Variants in OPTN observed in about 807,000 individuals in gnomAD.
OPTN encodes the protein optineurin.
Under a neutral mutation model 70.4 loss-of-function variants are expected in OPTN, and 54 were observed. The observed-to-expected ratio is 0.77, with a 90% confidence interval of 0.62 to 0.96. The LOEUF (loss-of-function observed/expected upper bound fraction) is 0.96. Among genes scored for constraint, OPTN ranks in the 40% least tolerant of loss-of-function variants. OPTN has a pLI of 0.00. For missense variants in OPTN, 624 were observed against 673.2 expected (o/e 0.93, Z 0.81); for synonymous variants, 256 against 248.5 (o/e 1.03, Z -0.28).
intron 6 of OPTN, among the ~76,000 whole-genome samples, chr10:13,117,876 A>G (rs778907570): frequency 7.9e-5 from 12 of 152,374 alleles, no homozygotes; most frequent in South Asian, 6.2e-4. Context: ...AGTAAGTATT[A>G]GATAATATTC....
At chr10:13,107,546 T>A (rs992399265) in intron 1 of OPTN, among the ~76,000 whole-genome samples, 5 of 151,036 alleles carry the variant, frequency 3.3e-5, no homozygotes, top group Admixed American at 2.0e-4. Flanking sequence ...GCTTGGCTAA[T>A]TTTTTGTATT....
chr10:13,133,626 T>C (rs1187587239), intron 14 of OPTN, 45 bp downstream of exon 14: 2 of 1,547,264 alleles, frequency 1.3e-6, no homozygotes, highest in Non-Finnish European at 1.8e-6. Flanking sequence ...AGCTATCCTA[T>C]GAAAAAGATG....
At position 13,137,920 on chromosome 10, in the gene OPTN, A is replaced by T. The variant is rs907203061; in HGVS notation, c.*1054A>T. 9.1e-6 allele frequency: 2 copies of T among 219,754 alleles called. No individual in the cohort carries two copies. The highest frequency in any genetic ancestry group is 5.8e-5 in the Admixed American group (1 of 17,350). 13.6% of individuals were successfully genotyped at this position (219,754 alleles called of 1,614,324 possible). On this transcript the variant is annotated 3_prime_UTR_variant, in exon 15 of 15. Transcript: ENST00000378747. The stretch of plus-strand genomic sequence containing the variant: ...CAGCTGCCTATTTTCTTCCTAGGTT[A>T]GGTTATATCTTCATAATCACAAGAA...
Position 13,109,283 on chromosome 10 carries a change from TGAAAGG to T in OPTN, c.162_166+1del. On this transcript the variant is annotated splice_donor_variant and coding_sequence_variant, in exon 3 of 15. Transcript: ENST00000378747. LOFTEE classifies it high-confidence loss of function. ...GAGCTCCTGACCGAGAACCACCAGC[TGAAAGG>T]TGAGCAGGGCTGGCCCCTGTGTGCC... The T allele has an allele frequency of 6.2e-7, 1 of 1,613,714 alleles. No homozygotes were observed.
chr10:13,127,687 T>C, intron 11 of OPTN, 58 bp from the exon 12 acceptor site: 1 of 1,569,786 alleles, frequency 6.4e-7, no homozygotes, highest in South Asian at 1.1e-5. Flanking sequence ...TCTAATATTT[T>C]ACTAAAACAG....
chr10:13,121,342 GA>G (rs945423124), intron 7 of OPTN, among the ~76,000 whole-genome samples: 2 of 151,858 alleles, frequency 1.3e-5, no homozygotes, highest in Non-Finnish European at 2.9e-5. Flanking sequence ...GTTAATTTGT[GA>G]AAAAAGCCAG....
chr10:13,116,429 C>A lies in OPTN; in HGVS notation c.626+89C>A, dbSNP rs898508480. 1.6e-5 allele frequency: 14 copies of A among 861,894 alleles called. No individual in the cohort carries two copies. In the African/African-American group the frequency reaches 2.1e-4, roughly 13 times the overall value. The allele number at this position is 861,894 out of a possible 1,614,324, so 53.4% of individuals were successfully genotyped here. A position where few individuals can be genotyped will look rare whatever the true frequency, so the allele number is the denominator to read the frequency against. ...GTCACCGGAGGTCAAATGTTGTGAC[C>A]TGAGGAAGTAACTTCTTTATGATTT... is the stretch of plus-strand genomic sequence containing the variant. On this transcript the variant is annotated intron_variant, in intron 6 of 14. Transcript: ENST00000378747.
Position 13,132,313 on chromosome 10 carries a change from A to C in OPTN, c.1532+116A>C. On this transcript the variant is annotated intron_variant, in intron 13 of 14. Coordinates refer to ENST00000378747, the MANE Select transcript of OPTN (RefSeq NM_001008212.2). ...AGAATAGCTGTGTTCGCGCCACTGC[A>C]CTCCTGCCTAGGTGACAGAGCGAGT... 5 of 1,084,050 alleles carry C rather than the reference A, an allele frequency of 4.6e-6. No homozygotes were observed. In the South Asian group the frequency reaches 6.8e-5, roughly 15 times the overall value. 67.2% of individuals were successfully genotyped at this position (1,084,050 alleles called of 1,614,324 possible). A position where few individuals can be genotyped will look rare whatever the true frequency, so the allele number is the denominator to read the frequency against.
chr10:13,105,505 G>A (rs771957747), intron 1 of OPTN, among the ~76,000 whole-genome samples: 39 of 152,148 alleles, frequency 2.6e-4, no homozygotes, highest in Non-Finnish European at 4.7e-4. Context: ...TTTTTTCCTC[G>A]TATGCTTATA....
chr10:13,108,882 G>GCACA (rs1330121705), intron 2 of OPTN: 3 of 500,598 alleles, frequency 6.0e-6, no homozygotes, highest in East Asian at 7.5e-5. Context: ...ACACACACAC[G>GCACA]CACACACACA....
chr10:13,126,029 C>G lies in OPTN; in HGVS notation c.1232C>G (p.Thr411Arg). 6.2e-7 allele frequency: 1 copy of G among 1,604,350 alleles called. No individual in the cohort carries two copies. Among genetic ancestry groups the G allele is most frequent in the Non-Finnish European group, 8.5e-7 (1 of 1,171,368 alleles). ...NNALKTIEEL[T>R]RKESEKVDRA... ...GCATTGAAAACAATTGAGGAACTAA[C>G]AAGAAAAGAGGTATTCACTGAAAAA... Residue 411 changes from threonine to arginine, a missense_variant, in exon 11 of 15, where the codon ACA becomes AGA. By Grantham distance (71) the Thr-to-Arg change is moderately conservative (BLOSUM62 -1). Coordinates refer to ENST00000378747, the MANE Select transcript of OPTN (RefSeq NM_001008212.2).
chr10:13,109,445 C>A, intron 3 of OPTN, 157 bp downstream of exon 3: 1 of 690,254 alleles, frequency 1.4e-6, no homozygotes, highest in South Asian at 1.8e-5. Context: ...AAGGCTAAAT[C>A]TGTTCTGATT....
chr10:13,112,377 G>A, intron 4 of OPTN, 76 bp from the exon 5 acceptor site: 2 of 1,413,848 alleles, frequency 1.4e-6, no homozygotes, highest in Non-Finnish European at 2.0e-6. Context: ...CCAGAGCTCT[G>A]CGATTAAGGG....
chr10:13,112,397 A>G (rs908260962), intron 4 of OPTN, 56 bp from the exon 5 acceptor site: 10 of 1,553,214 alleles, frequency 6.4e-6, no homozygotes, highest in Non-Finnish European at 7.1e-6. Flanking sequence ...GCATGAGCCC[A>G]TGGTGCCCAG....
chr10:13,114,814 T>TTATCGTA (rs1833102654), intron 5 of OPTN, among the ~76,000 whole-genome samples: 1 of 66,690 alleles, frequency 1.5e-5, no homozygotes, highest in Non-Finnish European at 2.5e-5. Context: ...ATATATATAA[T>TTATCGTA]TATATAATTA....
intron 12 of OPTN, chr10:13,131,654 GTGA>G (rs1833595452): frequency 1.1e-5 from 2 of 177,444 alleles, no homozygotes; most frequent in Admixed American, 5.5e-5. Context: ...GCATCTATTT[GTGA>G]TGATTATTCT....
chr10:13,121,286 C>T (rs1305219487), intron 7 of OPTN, among the ~76,000 whole-genome samples: 2 of 151,984 alleles, frequency 1.3e-5, no homozygotes, highest in South Asian at 2.1e-4. Flanking sequence ...AGACTGTTGG[C>T]TCTTCTGGGT....
chr10:13,132,258 T>C (rs1347578750), intron 13 of OPTN, 61 bp downstream of exon 13: 3 of 1,592,412 alleles, frequency 1.9e-6, no homozygotes, highest in Non-Finnish European at 1.7e-6. Flanking sequence ...AAGAGGTGCC[T>C]GTCCAAAGAC....
At chr10:13,108,545 T>C (rs1380515652) in intron 2 of OPTN, among the ~76,000 whole-genome samples, 4 of 55,024 alleles carry the variant, frequency 7.3e-5, no homozygotes, top group Admixed American at 2.0e-4. Flanking sequence ...TATTGTACCC[T>C]TTTTTTTTTT....
Sources: gnomAD v4.1 joint callset for allele counts (sites outside exome capture counted in the v4.1 genomes callset) on GRCh38, gnomAD v4.1.1 for gene constraint, MANE v1.5 for transcripts, NCBI Gene and HGNC (gene_info 2026-07-23, HGNC 2026-07-21) for gene names.